Variants in STIM2 observed in about 807,000 individuals in gnomAD.
STIM2 encodes the protein stromal interaction molecule 2.
In STIM2, 31 loss-of-function variants were observed where a neutral mutation model predicts 85.8. That is an observed-to-expected ratio of 0.36 (90% CI 0.27 to 0.49). STIM2 has a LOEUF of 0.49. Ranked by LOEUF, STIM2 falls within the 20% of genes least tolerant of loss-of-function variation. The probability of loss-of-function intolerance (pLI) is 0.98; values close to 1 mark genes in which losing one functional copy is unlikely to be tolerated. For synonymous variants in STIM2, 356 were observed against 331.1 expected (o/e 1.08, Z -0.82); for missense variants, 841 against 927.6 (o/e 0.91, Z 1.21).
chr4:26,967,367 A>G (rs1177323404), intron 3 of STIM2, among the ~76,000 whole-genome samples: 1 of 152,204 alleles, frequency 6.6e-6, no homozygotes, highest in Non-Finnish European at 1.5e-5. Context: ...GAAGACTGGC[A>G]TTAAGGCAAA....
intron 2 of STIM2, among the ~76,000 whole-genome samples, chr4:26,951,819 A>T (rs114505196): frequency 0.017 from 2,569 of 152,242 alleles, 78 homozygotes; most frequent in African/African-American, 0.059. Context: ...TATAATGTTA[A>T]CTTATGTGAT....
intron 1 of STIM2, among the ~76,000 whole-genome samples, chr4:26,904,358 C>T (rs1577428362): frequency 6.6e-6 from 1 of 151,996 alleles, no homozygotes; most frequent in Non-Finnish European, 1.5e-5. Context: ...GAAGCCATCA[C>T]CATAGTCAGT....
At chr4:26,873,792 G>T in intron 1 of STIM2, 1 of 852,660 alleles carries the variant, frequency 1.2e-6, no homozygotes, top group Non-Finnish European at 2.0e-6. Context: ...GCTCTGTCAA[G>T]GGGTAAGGGG....
chr4:26,958,335 T>TA (rs1380090860), intron 3 of STIM2, among the ~76,000 whole-genome samples: 3 of 152,142 alleles, frequency 2.0e-5, no homozygotes, highest in Non-Finnish European at 4.4e-5. Context: ...CCCCTAAACT[T>TA]ACATTTTGTT....
intron 1 of STIM2, among the ~76,000 whole-genome samples, chr4:26,866,026 T>C (rs1169333888): frequency 6.6e-6 from 1 of 152,154 alleles, no homozygotes; most frequent in African/African-American, 2.4e-5. Flanking sequence ...TTTAGATTCA[T>C]TTTAGATTCC....
chr4:26,996,384 A>G (rs1727961500), intron 4 of STIM2, among the ~76,000 whole-genome samples: 1 of 152,064 alleles, frequency 6.6e-6, no homozygotes, highest in Non-Finnish European at 1.5e-5. Context: ...CCTACATCCA[A>G]AAAGACTCTA....
chr4:27,022,508 G>A lies in STIM2; in HGVS notation c.1764-11G>A. 1 of 1,566,578 alleles carries A rather than the reference G, an allele frequency of 6.4e-7. No individual in the cohort carries two copies. Among genetic ancestry groups the A allele is most frequent in the East Asian group, 2.3e-5 (1 of 44,178 alleles). On this transcript the variant is annotated splice_polypyrimidine_tract_variant and intron_variant, in intron 11 of 11. Transcript: ENST00000467087. ...ATTTAAAATTTGTACCTTTGTTTGT[G>A]TTTCATTCAGGGAAGTGCCAGACAC...
At chr4:26,879,018 C>T (rs566043064) in intron 1 of STIM2, among the ~76,000 whole-genome samples, 1 of 152,176 alleles carries the variant, frequency 6.6e-6, no homozygotes, top group African/African-American at 2.4e-5. Flanking sequence ...CAAACCTTAT[C>T]ACCATCTAAC....
At chr4:26,885,421 T>C (rs1723179772) in intron 1 of STIM2, among the ~76,000 whole-genome samples, 2 of 152,170 alleles carry the variant, frequency 1.3e-5, no homozygotes, top group African/African-American at 2.4e-5. Flanking sequence ...TTTAATACCA[T>C]AGATTTGCTT....
chr4:26,957,505 A>G (rs1051333462), intron 2 of STIM2, 107 bp from the exon 3 acceptor site: 28 of 581,894 alleles, frequency 4.8e-5, no homozygotes, highest in Non-Finnish European at 7.4e-5. Flanking sequence ...TTTGCCAGTT[A>G]CTGTTTGAAA....
At chr4:26,932,468 T>TA (rs1256337582) in intron 2 of STIM2, among the ~76,000 whole-genome samples, 1 of 152,208 alleles carries the variant, frequency 6.6e-6, no homozygotes, top group Non-Finnish European at 1.5e-5. Context: ...ACACTAAACT[T>TA]ACTGTAGCAT....
At chr4:26,955,829 A>ATTTATT (rs1453770391) in intron 2 of STIM2, among the ~76,000 whole-genome samples, 5 of 125,520 alleles carry the variant, frequency 4.0e-5, no homozygotes, top group South Asian at 2.5e-4. Flanking sequence ...AATTGCCATA[A>ATTTATT]TGCTGACACT....
intron 2 of STIM2, among the ~76,000 whole-genome samples, chr4:26,937,213 A>C (rs1253285165): frequency 6.6e-6 from 1 of 152,132 alleles, no homozygotes; most frequent in Non-Finnish European, 1.5e-5. Context: ...TTTTATTAAA[A>C]ATTATTTCTA....
chr4:26,962,856 CTG>C (rs1330583886), intron 3 of STIM2, among the ~76,000 whole-genome samples: 1 of 152,106 alleles, frequency 6.6e-6, no homozygotes, highest in Non-Finnish European at 1.5e-5. Flanking sequence ...AAGTAAGACA[CTG>C]TTTTTAAAAT....
At position 27,008,773 on chromosome 4, in the gene STIM2, C is replaced by G. The variant is rs1728461807; in HGVS notation, c.1260C>G (p.Leu420=). The change falls in exon 10 of 12, where the codon CTC becomes CTG. Residue 420 remains leucine, a synonymous_variant. Coordinates refer to ENST00000467087, the MANE Select transcript of STIM2 (RefSeq NM_020860.4). Reference sequence around the variant, plus strand: ...TTATTGGCTTTTCCAGGAAAGCTCTCTCTGAGTTGACAACTTGTTTACGAG... The same window carrying G: ...TTATTGGCTTTTCCAGGAAAGCTCTGTCTGAGTTGACAACTTGTTTACGAG... 6.2e-7 allele frequency: 1 copy of G among 1,613,990 alleles called. No homozygotes were observed. The highest frequency in any genetic ancestry group is 1.3e-5 in the African/African-American group (1 of 74,924).
Position 26,995,494 on chromosome 4 carries a change from A to G in STIM2, c.509+4A>G. 6.4e-7 allele frequency: 1 copy of G among 1,559,638 alleles called. No homozygotes were observed. The highest frequency in any genetic ancestry group is 8.7e-7 in the Non-Finnish European group (1 of 1,145,304). On this transcript the variant is annotated splice_donor_region_variant and intron_variant, in intron 4 of 11. Coordinates refer to ENST00000467087, the MANE Select transcript of STIM2 (RefSeq NM_020860.4). ...TCAAAGGAACGACACTTCCCAGGTG[A>G]GTCTTTGTTATGCAAATGTATTTTC... is the stretch of plus-strand genomic sequence containing the variant.
chr4:26,894,887 A>G (rs1285586585), intron 1 of STIM2, among the ~76,000 whole-genome samples: 1 of 152,218 alleles, frequency 6.6e-6, no homozygotes, highest in Non-Finnish European at 1.5e-5. Context: ...TGACATACTT[A>G]TAACATTCAG....
At chr4:26,991,753 T>C (rs949520751) in intron 3 of STIM2, among the ~76,000 whole-genome samples, 1 of 152,058 alleles carries the variant, frequency 6.6e-6, no homozygotes, top group Non-Finnish European at 1.5e-5. Flanking sequence ...GCTATGATAT[T>C]ATCCTGAATC....
intron 1 of STIM2, among the ~76,000 whole-genome samples, chr4:26,864,221 A>G (rs1330308676): frequency 6.6e-6 from 1 of 152,136 alleles, no homozygotes; most frequent in Non-Finnish European, 1.5e-5. Context: ...TATTCATAAC[A>G]TTATATAGTA....
Sources: gnomAD v4.1 joint callset for allele counts (sites outside exome capture counted in the v4.1 genomes callset) on GRCh38, gnomAD v4.1.1 for gene constraint, MANE v1.5 for transcripts, NCBI Gene and HGNC (gene_info 2026-07-23, HGNC 2026-07-21) for gene names.